The following WDR27 variants were observed in gnomAD, a reference collection of about 807,000 sequenced individuals.
WDR27 encodes WD repeat domain 27, also known as WD repeat-containing protein 27.
WDR27 carries 100 observed loss-of-function variants against 114.4 expected under a neutral mutation model. That is an observed-to-expected ratio of 0.87 (90% CI 0.74 to 1.03). The LOEUF is 1.03. Ranked by LOEUF, WDR27 falls within the 50% of genes least tolerant of loss-of-function variation. The pLI, the probability that WDR27 is intolerant of heterozygous loss-of-function variation, is 0.00. For missense variants in WDR27, 1,129 were observed against 1,092.9 expected (o/e 1.03, Z -0.47); for synonymous variants, 449 against 423.1 (o/e 1.06, Z -0.75).
At chr6:169,613,508 A>G (rs1811094034) in intron 22 of WDR27, 51 bp downstream of exon 22, 5 of 1,412,768 alleles carry the variant, frequency 3.5e-6, no homozygotes, top group South Asian at 1.2e-5. Context: ...GATTGAGCTT[A>G]TATCTCTTGA....
At chr6:169,645,354 C>T (rs535454494) in intron 16 of WDR27, among the ~76,000 whole-genome samples, 4 of 150,060 alleles carry the variant, frequency 2.7e-5, no homozygotes, top group East Asian at 2.0e-4. Context: ...CTAGTTCACA[C>T]GAGTTACGCT....
intron 25 of WDR27, among the ~76,000 whole-genome samples, chr6:169,470,074 A>T (rs772371808): frequency 6.6e-6 from 1 of 152,214 alleles, no homozygotes; most frequent in Non-Finnish European, 1.5e-5. Flanking sequence ...CACAAGTTCT[A>T]CTTTGCACAA....
At chr6:169,468,246 C>T (rs980874815) in intron 25 of WDR27, among the ~76,000 whole-genome samples, 4 of 152,212 alleles carry the variant, frequency 2.6e-5, no homozygotes, top group African/African-American at 4.8e-5. Context: ...AAATTCCAAA[C>T]GTTCTCACAT....
intron 25 of WDR27, among the ~76,000 whole-genome samples, chr6:169,503,370 G>A (rs991570920): frequency 1.3e-5 from 2 of 152,192 alleles, no homozygotes; most frequent in Non-Finnish European, 1.5e-5. Flanking sequence ...CAAAGTTGAA[G>A]ACAATTATAA....
At chr6:169,683,490 C>T (rs892873932) in intron 2 of WDR27, among the ~76,000 whole-genome samples, 6 of 151,634 alleles carry the variant, frequency 4.0e-5, no homozygotes, top group African/African-American at 9.7e-5. Context: ...ATCAGCAAGA[C>T]GGCTGACTAG....
chr6:169,582,795 G>T, intron 24 of WDR27, 41 bp downstream of exon 24: 1 of 1,483,494 alleles, frequency 6.7e-7, no homozygotes, highest in South Asian at 1.2e-5. Context: ...TGTAAGACTT[G>T]TATGCAGCAG....
rs977680542 is a variant in WDR27 at position 169,664,175 on chromosome 6, T to C, written c.895A>G (p.Ser299Gly). 6.3e-7 allele frequency: 1 copy of C among 1,593,466 alleles called. No homozygotes were observed. The highest frequency in any genetic ancestry group is 1.3e-5 in the African/African-American group (1 of 74,500). Residue 299 changes from serine to glycine, a missense_variant, in exon 8 of 26, where the codon AGC becomes GGC. Physicochemically the swap from Ser to Gly is moderately conservative, Grantham distance 56. Transcript: ENST00000448612. Reference sequence around the variant, plus strand: ...GGTCTGAGCAACCCACCTGGCTGGCTGCACAGCCCAGACTTAACCCTTCTT... The same window carrying C: ...GGTCTGAGCAACCCACCTGGCTGGCCGCACAGCCCAGACTTAACCCTTCTT... The part of the protein sequence containing the change: ...STRRVKSGLC[S>G]QPEESQLPST...
At chr6:169,493,020 T>C (rs773184452) in intron 25 of WDR27, among the ~76,000 whole-genome samples, 7 of 152,074 alleles carry the variant, frequency 4.6e-5, no homozygotes, top group African/African-American at 1.2e-4. Context: ...AGAATTCATA[T>C]GTAGAAATAA....
chr6:169,464,758 TA>T (rs759304484), intron 25 of WDR27, among the ~76,000 whole-genome samples: 37 of 152,292 alleles, frequency 2.4e-4, no homozygotes, highest in Non-Finnish European at 4.6e-4. Context: ...CAGCCCAATT[TA>T]AACAATGGAC....
rs1822724142 is a variant in WDR27, at chr6:169,652,022, A to G, written c.1403-14T>C. The G allele has an allele frequency of 6.2e-7, 1 of 1,612,640 alleles. No homozygotes were observed. The highest frequency in any genetic ancestry group is 8.5e-7 in the Non-Finnish European group (1 of 1,179,400). On this transcript the variant is annotated splice_polypyrimidine_tract_variant and intron_variant, in intron 13 of 25. Transcript: ENST00000448612. ...CGTTCCGTGCAGCTGTGGAAAGGCAATTTTAAAGAAGAAACAAACACTTAA... is the reference window on the plus strand; with the variant it reads ...CGTTCCGTGCAGCTGTGGAAAGGCAGTTTTAAAGAAGAAACAAACACTTAA...
chr6:169,448,155 C>T, the WDR27 span, among the ~76,000 whole-genome samples: 11 of 152,278 alleles, frequency 7.2e-5, no homozygotes, highest in East Asian at 1.9e-3. Context: ...CTGCCTGCCT[C>T]AGCCTCCCGA....
At chr6:169,494,432 G>A (rs1429306993) in intron 25 of WDR27, among the ~76,000 whole-genome samples, 1 of 152,078 alleles carries the variant, frequency 6.6e-6, no homozygotes, top group African/African-American at 2.4e-5. Context: ...ACCACTATAA[G>A]ACTGGCAGTG....
intron 22 of WDR27, among the ~76,000 whole-genome samples, chr6:169,606,100 G>C (rs891867647): frequency 3.9e-5 from 6 of 151,974 alleles, no homozygotes; most frequent in African/African-American, 1.4e-4. Flanking sequence ...AATAAAAATA[G>C]ACAAATATGA....
At chr6:169,534,865 T>C (rs1437157965) in intron 25 of WDR27, among the ~76,000 whole-genome samples, 1 of 151,982 alleles carries the variant, frequency 6.6e-6, no homozygotes, top group Non-Finnish European at 1.5e-5. Context: ...ACTAATTTGT[T>C]AGCTAGGTAA....
At chr6:169,482,886 C>T (rs568657313) in intron 25 of WDR27, among the ~76,000 whole-genome samples, 1 of 152,210 alleles carries the variant, frequency 6.6e-6, no homozygotes, top group South Asian at 2.1e-4. Context: ...GAAAATTGCT[C>T]CAAACCATAC....
At position 169,701,700 on chromosome 6, in the gene WDR27, G is replaced by C. The variant is rs981210282; in HGVS notation, c.-157C>G. On this transcript the variant is annotated 5_prime_UTR_variant, in exon 1 of 26. Transcript: ENST00000448612. ...GCGTCAGGAGGAGGCTTCGGGTGAC[G>C]AGACAGCGGGCAACGGCTCTGGTCC... The C allele has an allele frequency of 5.6e-6, 1 of 180,044 alleles. No homozygotes were observed. The highest frequency in any genetic ancestry group is 2.4e-5 in the African/African-American group (1 of 41,688). 11.2% of individuals were successfully genotyped at this position (180,044 alleles called of 1,614,324 possible).
chr6:169,629,307 A>T (rs1245730022), intron 21 of WDR27, among the ~76,000 whole-genome samples: 3 of 152,212 alleles, frequency 2.0e-5, no homozygotes, highest in African/African-American at 7.2e-5. Flanking sequence ...ATTTTTAAAA[A>T]TTTGGGAACT....
intron 24 of WDR27, among the ~76,000 whole-genome samples, chr6:169,579,163 G>A (rs1347173841): frequency 6.6e-6 from 1 of 152,114 alleles, no homozygotes; most frequent in Non-Finnish European, 1.5e-5. Flanking sequence ...GCTTACTCCT[G>A]GTGTCATCCT....
chr6:169,681,568 A>C (rs1781529980), intron 2 of WDR27, among the ~76,000 whole-genome samples: 1 of 152,194 alleles, frequency 6.6e-6, no homozygotes, highest in Non-Finnish European at 1.5e-5. Context: ...CCTGAAAACA[A>C]AACCAACAGC....
Sources: allele counts gnomAD v4.1 joint callset (sites outside exome capture counted in the v4.1 genomes callset), GRCh38; gene constraint gnomAD v4.1.1; transcripts MANE v1.5; gene names NCBI Gene and HGNC (gene_info 2026-07-23, HGNC 2026-07-21).